NRXN3: variants seen among roughly 807,000 people sequenced by gnomAD.
NRXN3 encodes neurexin III.
In NRXN3, 32 loss-of-function variants were observed where a neutral mutation model predicts 137.6. The ratio of observed to expected loss-of-function variants is 0.23; its 90% confidence interval spans 0.18 to 0.31. The LOEUF is 0.31. Among genes scored for constraint, NRXN3 ranks in the 10% least tolerant of loss-of-function variants. The pLI is 1.00. For missense variants in NRXN3, 1,574 were observed against 2,062.5 expected (o/e 0.76, Z 4.59); for synonymous variants, 798 against 784.5 (o/e 1.02, Z -0.29).
chr14:79,282,593 T>G (rs776602912), intron 15 of NRXN3, among the ~76,000 whole-genome samples: 5 of 152,196 alleles, frequency 3.3e-5, no homozygotes, highest in African/African-American at 4.8e-5. Context: ...TTGCTCAGTC[T>G]CCTTTAAATC....
At chr14:79,529,683 C>T (rs2153716071) in intron 16 of NRXN3, among the ~76,000 whole-genome samples, 1 of 152,188 alleles carries the variant, frequency 6.6e-6, no homozygotes, top group South Asian at 2.1e-4. Context: ...TTAGACTTTA[C>T]TAGAAAAATA....
rs527642398 is a variant in NRXN3, at chr14:78,265,672, T to C, written c.710-12973T>C. On this transcript the variant is annotated intron_variant, in intron 2 of 20. Coordinates refer to ENST00000335750, the MANE Select transcript of NRXN3 (RefSeq NM_001330195.2). The stretch of plus-strand genomic sequence containing the variant: ...CCAGACTCCCAGTCCAGGGTACCAG[T>C]ACCCCAGCAGAGGCACAGTGGGAAA... 7.7e-4 allele frequency among the ~76,000 whole-genome samples: 117 copies of C among 152,264 alleles called. 1 individual carries two copies. Among genetic ancestry groups the C allele is most frequent in the Admixed American group, 1.4e-3 (22 of 15,290 alleles).
intron 15 of NRXN3, among the ~76,000 whole-genome samples, chr14:79,436,542 T>C (rs2095848565): frequency 1.3e-5 from 2 of 152,170 alleles, no homozygotes; most frequent in African/African-American, 4.8e-5. Flanking sequence ...AGGAATCATC[T>C]CTTCCTCTTC....
chr14:79,032,009 C>T (rs1184404746), intron 15 of NRXN3, among the ~76,000 whole-genome samples: 1 of 151,976 alleles, frequency 6.6e-6, no homozygotes, highest in Non-Finnish European at 1.5e-5. Flanking sequence ...CTGAGAAAAC[C>T]AGGATGGAAA....
rs554800356 is a variant in NRXN3 at position 79,457,023 on chromosome 14, G to A, written c.3263-10198G>A. ...GTTTTATCATCAGAGAGGCACTGAT[G>A]GAGTGTTTCTCTGGTTCCAGGTTTA... On this transcript the variant is annotated intron_variant, in intron 15 of 20. Transcript: ENST00000335750. Among the ~76,000 whole-genome samples the A allele has an allele frequency of 4.0e-5, 6 of 150,572 alleles. No homozygotes were observed. The South Asian group carries it at 1.3e-3, about 32-fold the overall frequency.
chr14:79,146,031 A>G (rs1432392716), intron 15 of NRXN3, among the ~76,000 whole-genome samples: 1 of 152,212 alleles, frequency 6.6e-6, no homozygotes, highest in African/African-American at 2.4e-5. Context: ...TCATGGCTCT[A>G]AAATCTGTGT....
chr14:79,168,730 C>T (rs1340263124), intron 15 of NRXN3, among the ~76,000 whole-genome samples: 1 of 152,018 alleles, frequency 6.6e-6, no homozygotes, highest in African/African-American at 2.4e-5. Context: ...CATTCTCTAC[C>T]TTCGCAAATG....
chr14:79,577,845 T>A (rs191772810), intron 16 of NRXN3, among the ~76,000 whole-genome samples: 1 of 152,344 alleles, frequency 6.6e-6, no homozygotes, highest in Admixed American at 6.5e-5. Context: ...GTGCTTCTCT[T>A]ACATCTGTTT....
chr14:79,006,713 T>G lies in NRXN3; in HGVS notation c.3262+18572T>G, dbSNP rs115744089. ...ACCATTAAAAATGGCTAGAATAGCT[T>G]AATAATATAATATCATATTTATTCT... On this transcript the variant is annotated intron_variant, in intron 15 of 20. Coordinates refer to ENST00000335750, the MANE Select transcript of NRXN3 (RefSeq NM_001330195.2). Among the ~76,000 whole-genome samples the G allele has an allele frequency of 6.2e-3, 947 of 152,296 alleles. 9 individuals carry two copies. Among genetic ancestry groups the G allele is most frequent in the African/African-American group, 0.022 (895 of 41,556 alleles).
At chr14:79,547,652 G>A (rs1342179536) in intron 16 of NRXN3, among the ~76,000 whole-genome samples, 1 of 152,172 alleles carries the variant, frequency 6.6e-6, no homozygotes, top group East Asian at 1.9e-4. Flanking sequence ...AGGGAATAGG[G>A]TTCATAGAGT....
chr14:78,171,219 C>CTTT (rs144839930), intron 1 of NRXN3, among the ~76,000 whole-genome samples: 18 of 121,396 alleles, frequency 1.5e-4, no homozygotes, highest in South Asian at 1.4e-3. Context: ...TGTGTGTGTG[C>CTTT]TTTTTTTTTT....
chr14:78,981,849 A>C (rs1023790492), intron 14 of NRXN3, among the ~76,000 whole-genome samples: 2 of 152,234 alleles, frequency 1.3e-5, no homozygotes, highest in African/African-American at 4.8e-5. Flanking sequence ...GCTATGTGAA[A>C]TGCATACATT....
intron 15 of NRXN3, among the ~76,000 whole-genome samples, chr14:79,093,817 C>CA (rs34016944): frequency 0.92 from 139,831 of 152,080 alleles, 65,170 homozygotes; most frequent in Non-Finnish European, 0.99. Flanking sequence ...CTTTTGGACT[C>CA]AGAGTATGGG....
chr14:79,356,119 T>C (rs2093413693), intron 15 of NRXN3, among the ~76,000 whole-genome samples: 1 of 152,190 alleles, frequency 6.6e-6, no homozygotes, highest in African/African-American at 2.4e-5. Context: ...GAGAAGAATG[T>C]CTTTTAAAAG....
chr14:79,085,008 T>G (rs1478673665), intron 15 of NRXN3, among the ~76,000 whole-genome samples: 1 of 152,142 alleles, frequency 6.6e-6, no homozygotes, highest in African/African-American at 2.4e-5. Flanking sequence ...ATTTGCCTCC[T>G]GCTTTTGGGA....
intron 4 of NRXN3, among the ~76,000 whole-genome samples, chr14:78,493,479 C>T (rs566305259): frequency 1.6e-3 from 240 of 151,544 alleles, no homozygotes; most frequent in African/African-American, 5.6e-3. Flanking sequence ...GCCAAGATCG[C>T]GCCTTTGCAC....
chr14:78,496,911 CAG>C (rs1432693621), intron 4 of NRXN3, among the ~76,000 whole-genome samples: 2 of 152,070 alleles, frequency 1.3e-5, no homozygotes, highest in Admixed American at 6.6e-5. Context: ...GGAGCCACTG[CAG>C]AGTCTTGAGC....
chr14:78,260,066 A>G lies in NRXN3; in HGVS notation c.709+16264A>G, dbSNP rs556738971. Among the ~76,000 whole-genome samples the G allele has an allele frequency of 7.2e-5, 11 of 152,270 alleles. No individual in the cohort carries two copies. In the South Asian group the frequency reaches 2.3e-3, roughly 32 times the overall value. ...TGTTATCAGAAAGCTATCTCTTTCCACCTCATCCAACAACAATGCACACTA... is the reference window on the plus strand; with the variant it reads ...TGTTATCAGAAAGCTATCTCTTTCCGCCTCATCCAACAACAATGCACACTA... On this transcript the variant is annotated intron_variant, in intron 2 of 20. Transcript: ENST00000335750.
intron 15 of NRXN3, among the ~76,000 whole-genome samples, chr14:79,344,897 T>G (rs2092791116): frequency 6.6e-6 from 1 of 152,172 alleles, no homozygotes; most frequent in Admixed American, 6.5e-5. Context: ...GCTAAGATTT[T>G]TATGGCTCAG....
Sources: gnomAD v4.1 joint callset for allele counts (sites outside exome capture counted in the v4.1 genomes callset) on GRCh38, gnomAD v4.1.1 for gene constraint, MANE v1.5 for transcripts, NCBI Gene and HGNC (gene_info 2026-07-23, HGNC 2026-07-21) for gene names.